The following BANP variants were observed in gnomAD, a reference collection of about 807,000 sequenced individuals.
The protein encoded by BANP is protein BANP.
A neutral mutation model predicts 68.1 loss-of-function variants in BANP; 11 were observed. That is an observed-to-expected ratio of 0.16 (90% CI 0.10 to 0.27). The LOEUF (loss-of-function observed/expected upper bound fraction) is 0.27, where lower values mean the gene tolerates loss of function less well. BANP is among the 10% of genes least tolerant of loss of function. BANP has a pLI of 1.00. For synonymous variants in BANP, 329 were observed against 303.2 expected (o/e 1.09, Z -0.88); for missense variants, 504 against 722.7 (o/e 0.70, Z 3.47).
chr16:87,994,770 A>G (rs985030928), intron 4 of BANP, among the ~76,000 whole-genome samples: 2 of 152,196 alleles, frequency 1.3e-5, no homozygotes, highest in African/African-American at 4.8e-5. Context: ...CCCCGTGTAT[A>G]AAAATAAAAT....
At chr16:88,019,549 C>G (rs1158291557) in intron 7 of BANP, among the ~76,000 whole-genome samples, 1 of 93,054 alleles carries the variant, frequency 1.1e-5, no homozygotes, top group Admixed American at 1.4e-4. Flanking sequence ...CGGGGGCGTC[C>G]GGGATCTCAG....
chr16:87,986,469 A>G (rs2064452261), intron 4 of BANP, among the ~76,000 whole-genome samples: 1 of 152,210 alleles, frequency 6.6e-6, no homozygotes, highest in African/African-American at 2.4e-5. Context: ...CCATCTGCAC[A>G]GGGCGGAGCT....
intron 5 of BANP, among the ~76,000 whole-genome samples, chr16:88,005,591 A>G (rs2070773449): frequency 6.6e-6 from 1 of 152,102 alleles, no homozygotes; most frequent in Non-Finnish European, 1.5e-5. Context: ...ATGGGATCTC[A>G]GTGGGTTTTT....
intron 11 of BANP, among the ~76,000 whole-genome samples, chr16:88,054,533 C>T (rs1214881228): frequency 1.3e-5 from 2 of 152,112 alleles, no homozygotes; most frequent in Non-Finnish European, 2.9e-5. Context: ...TCACCCTCTC[C>T]GTTGCCCTTA....
chr16:87,952,388 G>T (rs187042774), intron 1 of BANP: 1 of 152,224 alleles, frequency 6.6e-6, no homozygotes, highest in Admixed American at 6.5e-5. Context: ...GGAGGGCCCG[G>T]GTCACACAGT....
chr16:87,952,683 G>T (rs1280236181), intron 1 of BANP: 3 of 152,128 alleles, frequency 2.0e-5, no homozygotes, highest in African/African-American at 7.2e-5. Flanking sequence ...ACCAAAACGC[G>T]GTAAAATTCT....
At chr16:88,058,839 A>C (rs1374024323) in intron 11 of BANP, among the ~76,000 whole-genome samples, 1 of 152,070 alleles carries the variant, frequency 6.6e-6, no homozygotes, top group African/African-American at 2.4e-5. Context: ...ATGTGTAGAC[A>C]ATCTCTTATT....
At chr16:88,052,358 C>T (rs1310176321) in intron 11 of BANP, among the ~76,000 whole-genome samples, 1 of 152,142 alleles carries the variant, frequency 6.6e-6, no homozygotes, top group African/African-American at 2.4e-5. Context: ...CCTATGTCTT[C>T]ACCTGTCTTG....
intron 11 of BANP, among the ~76,000 whole-genome samples, chr16:88,048,842 T>A (rs1213308000): frequency 6.6e-6 from 1 of 152,160 alleles, no homozygotes; most frequent in Non-Finnish European, 1.5e-5. Flanking sequence ...CTAACAGTGT[T>A]CTCGGTATCG....
At chr16:87,999,450 G>A (rs1304314236) in intron 4 of BANP, among the ~76,000 whole-genome samples, 2 of 27,184 alleles carry the variant, frequency 7.4e-5, no homozygotes, top group Non-Finnish European at 1.4e-4. Context: ...ACGCACGTGC[G>A]CGGCTGGACT....
At chr16:88,040,491 C>T (rs1198521383) in intron 11 of BANP, among the ~76,000 whole-genome samples, 7 of 150,338 alleles carry the variant, frequency 4.7e-5, no homozygotes, top group East Asian at 1.9e-4. Context: ...ACAGAAGCCC[C>T]GAGCAGTGCG....
At chr16:87,955,264 GGCCAGC>G (rs2057814312) in intron 1 of BANP, among the ~76,000 whole-genome samples, 1 of 152,202 alleles carries the variant, frequency 6.6e-6, no homozygotes, top group African/African-American at 2.4e-5. Flanking sequence ...AGCGTCCAGG[GGCCAGC>G]TGTGTCCATC....
At chr16:88,073,147 G>T (rs1192037983) in intron 13 of BANP, among the ~76,000 whole-genome samples, 1 of 152,254 alleles carries the variant, frequency 6.6e-6, no homozygotes, top group Non-Finnish European at 1.5e-5. Context: ...TCCTCAGGAG[G>T]CGCTTGCTGA....
At chr16:87,993,327 C>T (rs996854982) in intron 4 of BANP, among the ~76,000 whole-genome samples, 7 of 152,220 alleles carry the variant, frequency 4.6e-5, no homozygotes, top group African/African-American at 9.6e-5. Context: ...GCCGCCTCCT[C>T]GAGGGTGGAG....
Position 87,965,346 on chromosome 16 carries a change from G to A in BANP, c.-68-9702G>A, listed in dbSNP as rs563264750. Reference sequence around the variant, plus strand: ...ACTGAAAATGGAGACCGCAAGTACAGGCGGGGCTTCTGAGGAATTTTATCT... The same window carrying A: ...ACTGAAAATGGAGACCGCAAGTACAAGCGGGGCTTCTGAGGAATTTTATCT... On this transcript the variant is annotated intron_variant, in intron 1 of 13. Transcript: ENST00000682872. 8.5e-5 allele frequency among the ~76,000 whole-genome samples: 13 copies of A among 152,248 alleles called. No individual in the cohort carries two copies. In the East Asian group the frequency reaches 2.5e-3, roughly 29 times the overall value.
chr16:87,949,335 T>G (rs1181630571), upstream of BANP: 1 of 152,176 alleles, frequency 6.6e-6, no homozygotes, highest in Non-Finnish European at 1.5e-5. Flanking sequence ...TAAGAATTCT[T>G]ACATGGGCAA....
intron 1 of BANP, among the ~76,000 whole-genome samples, chr16:87,956,045 C>T (rs900091704): frequency 2.0e-5 from 3 of 152,078 alleles, no homozygotes; most frequent in Non-Finnish European, 4.4e-5. Flanking sequence ...TTTGGGGGCT[C>T]CAGGCACAGG....
chr16:87,977,664 C>G lies in BANP; in HGVS notation c.70+2479C>G, dbSNP rs373400459. 5.5e-4 allele frequency among the ~76,000 whole-genome samples: 84 copies of G among 152,280 alleles called. 1 individual carries two copies. The South Asian group carries it at 0.013, about 23-fold the overall frequency. On this transcript the variant is annotated intron_variant, in intron 2 of 13. Transcript: ENST00000682872. Reference sequence around the variant, plus strand: ...CCCATAATTCTACTGGTTGTAGCAGCTTTTAAATTGTTGACGTGTATGTCT... The same window carrying G: ...CCCATAATTCTACTGGTTGTAGCAGGTTTTAAATTGTTGACGTGTATGTCT...
At chr16:88,051,066 G>A (rs9934914) in intron 11 of BANP, among the ~76,000 whole-genome samples, 110 of 152,338 alleles carry the variant, frequency 7.2e-4, no homozygotes, top group Admixed American at 5.4e-3. Flanking sequence ...AGCCAGCTGA[G>A]CAGTCACTCT....
Sources: gnomAD v4.1 joint callset for allele counts (sites outside exome capture counted in the v4.1 genomes callset) on GRCh38, gnomAD v4.1.1 for gene constraint, MANE v1.5 for transcripts, NCBI Gene and HGNC (gene_info 2026-07-23, HGNC 2026-07-21) for gene names.